The following STIM1 variants were observed in gnomAD, a reference collection of about 807,000 sequenced individuals.
STIM1 encodes stromal interaction molecule 1.
In STIM1, 25 loss-of-function variants were observed where a neutral mutation model predicts 74.7. That is an observed-to-expected ratio of 0.33 (90% CI 0.24 to 0.47). The LOEUF (loss-of-function observed/expected upper bound fraction) is 0.47, where lower values mean the gene tolerates loss of function less well. Among genes scored for constraint, STIM1 ranks in the 20% least tolerant of loss-of-function variants. The pLI is 1.00. For synonymous variants in STIM1, 328 were observed against 348.8 expected (o/e 0.94, Z 0.66); for missense variants, 728 against 920.8 (o/e 0.79, Z 2.71).
intron 10 of STIM1, among the ~76,000 whole-genome samples, 169 bp from the exon 11 acceptor site, chr11:4,084,504 C>T (rs944234188): frequency 1.3e-4 from 20 of 152,230 alleles, no homozygotes; most frequent in African/African-American, 4.8e-4. Context: ...GAGCTTGATC[C>T]TGACTTGCTG....
At chr11:3,998,140 C>G (rs531260411) in intron 2 of STIM1, among the ~76,000 whole-genome samples, 1 of 152,198 alleles carries the variant, frequency 6.6e-6, no homozygotes, top group East Asian at 1.9e-4. Context: ...GTGCCAGGCA[C>G]TATTCTAAGG....
chr11:3,991,112 A>G (rs141448301), intron 2 of STIM1, among the ~76,000 whole-genome samples: 95 of 151,178 alleles, frequency 6.3e-4, no homozygotes, highest in Admixed American at 1.6e-3. Flanking sequence ...ATCCAGCTGC[A>G]TTCATGTTGC....
chr11:4,017,694 C>G (rs1335651700), intron 2 of STIM1, among the ~76,000 whole-genome samples: 1 of 152,196 alleles, frequency 6.6e-6, no homozygotes, highest in East Asian at 1.9e-4. Flanking sequence ...CTATGAGGAC[C>G]AAAGAAGGGT....
intron 12 of STIM1, chr11:4,086,854 A>C (rs1565172457): frequency 1.3e-6 from 2 of 1,530,986 alleles, no homozygotes; most frequent in Non-Finnish European, 1.8e-6. Flanking sequence ...GCATTCAGAG[A>C]GCTTGGGGTA....
In STIM1 at chr11:3,969,304, GCGAGAC is replaced by G. The variant is rs1368757829; in HGVS notation, c.270+1624_270+1629del. Among the ~76,000 whole-genome samples the G allele has an allele frequency of 3.3e-5, 5 of 151,826 alleles. No individual in the cohort carries two copies. In the East Asian group the frequency reaches 9.7e-4, roughly 29 times the overall value. On this transcript the variant is annotated intron_variant, in intron 2 of 12. Transcript: ENST00000526596. ...ATTTGAGACTAGCCTGGACAACACA[GCGAGAC>G]CCTGTCTCTACAAAAAAAAAAAATT...
At chr11:3,916,154 A>T (rs974924185) in intron 1 of STIM1, among the ~76,000 whole-genome samples, 4 of 152,220 alleles carry the variant, frequency 2.6e-5, no homozygotes, top group Non-Finnish European at 2.9e-5. Context: ...GTTTGCTCCT[A>T]TGTTTTACCT....
chr11:3,964,389 G>A (rs909251037), intron 1 of STIM1, among the ~76,000 whole-genome samples: 1 of 152,166 alleles, frequency 6.6e-6, no homozygotes, highest in Non-Finnish European at 1.5e-5. Context: ...AGGATTCAAC[G>A]GCCATAGGAG....
intron 1 of STIM1, among the ~76,000 whole-genome samples, chr11:3,895,793 T>C (rs1188235433): frequency 1.0e-5 from 1 of 98,252 alleles, no homozygotes; most frequent in African/African-American, 6.2e-5. Flanking sequence ...CCTTCCTTCC[T>C]TCCTTCCTTC....
intron 2 of STIM1, among the ~76,000 whole-genome samples, chr11:4,000,467 G>A (rs1372367855): frequency 6.6e-6 from 1 of 152,048 alleles, no homozygotes; most frequent in East Asian, 1.9e-4. Context: ...CTGATACCCA[G>A]GCAAACAGGG....
chr11:3,883,360 G>GTGTT (rs1255582025), intron 1 of STIM1, among the ~76,000 whole-genome samples: 12 of 151,984 alleles, frequency 7.9e-5, no homozygotes, highest in African/African-American at 2.9e-4. Context: ...TTGTTTGTTT[G>GTGTT]TTTTTGTTTT....
chr11:4,021,496 G>T (rs1306988809), intron 2 of STIM1, among the ~76,000 whole-genome samples: 3 of 152,164 alleles, frequency 2.0e-5, no homozygotes, highest in African/African-American at 7.2e-5. Flanking sequence ...AAATCAATTG[G>T]CTATACATAT....
At chr11:4,019,296 C>G (rs1316013547) in intron 2 of STIM1, among the ~76,000 whole-genome samples, 1 of 151,916 alleles carries the variant, frequency 6.6e-6, no homozygotes, top group Non-Finnish European at 1.5e-5. Flanking sequence ...ATTCCTCTTC[C>G]CTGCTGTTTT....
chr11:4,076,892 T>C (rs973552578), intron 7 of STIM1, among the ~76,000 whole-genome samples: 1 of 151,888 alleles, frequency 6.6e-6, no homozygotes, highest in Non-Finnish European at 1.5e-5. Flanking sequence ...TCAGAGAACA[T>C]ATGCTGTGTG....
intron 1 of STIM1, among the ~76,000 whole-genome samples, chr11:3,871,969 G>T (rs1313273981): frequency 6.6e-6 from 1 of 152,140 alleles, no homozygotes; most frequent in Non-Finnish European, 1.5e-5. Flanking sequence ...CTGATGATCT[G>T]TTCTTTGCAA....
At chr11:4,081,220 A>G (rs1301461261) in intron 7 of STIM1, among the ~76,000 whole-genome samples, 2 of 152,186 alleles carry the variant, frequency 1.3e-5, no homozygotes, top group African/African-American at 4.8e-5. Flanking sequence ...AGGTAGGAGA[A>G]TTGGAGATCA....
intron 3 of STIM1, among the ~76,000 whole-genome samples, chr11:4,041,884 G>A (rs2094150924): frequency 6.6e-6 from 1 of 152,158 alleles, no homozygotes; most frequent in East Asian, 1.9e-4. Context: ...ACCGTGCTTG[G>A]CCAAAGCTCA....
intron 1 of STIM1, among the ~76,000 whole-genome samples, chr11:3,872,389 G>A (rs995598191): frequency 6.6e-6 from 1 of 152,162 alleles, no homozygotes; most frequent in African/African-American, 2.4e-5. Context: ...GGAAAAGTGT[G>A]GCTACACTGG....
At chr11:3,905,767 G>A (rs750727122) in intron 1 of STIM1, among the ~76,000 whole-genome samples, 1 of 152,184 alleles carries the variant, frequency 6.6e-6, no homozygotes, top group Non-Finnish European at 1.5e-5. Flanking sequence ...CAGGTTTCTG[G>A]AACTGCATGA....
chr11:3,877,742 G>A (rs1399359843), intron 1 of STIM1, among the ~76,000 whole-genome samples: 2 of 152,216 alleles, frequency 1.3e-5, no homozygotes, highest in African/African-American at 4.8e-5. Flanking sequence ...ACTGTTGGGA[G>A]TTGCAGCAGG....
Sources: gnomAD v4.1 joint callset for allele counts (sites outside exome capture counted in the v4.1 genomes callset) on GRCh38, gnomAD v4.1.1 for gene constraint, MANE v1.5 for transcripts, NCBI Gene and HGNC (gene_info 2026-07-23, HGNC 2026-07-21) for gene names.